RAD9B: variants seen among roughly 807,000 people sequenced by gnomAD.
RAD9B encodes the protein cell cycle checkpoint control protein RAD9B.
A neutral mutation model predicts 48.3 loss-of-function variants in RAD9B; 41 were observed. The observed-to-expected ratio is 0.85, with a 90% CI of 0.66 to 1.10. The LOEUF (loss-of-function observed/expected upper bound fraction) is 1.10. RAD9B is among the 50% of genes least tolerant of loss of function. The pLI is 0.00. For synonymous variants in RAD9B, 160 were observed against 157.9 expected, an observed-to-expected ratio of 1.01 and a Z score of -0.10; for missense variants, 444 against 485.1, an observed-to-expected ratio of 0.92 and a Z score of 0.80.
chr12:110,522,221 A>G lies in RAD9B; in HGVS notation c.935A>G (p.Gln312Arg). 6.2e-7 allele frequency: 1 copy of G among 1,604,488 alleles called. No homozygotes were observed. Among genetic ancestry groups the G allele is most frequent in the Non-Finnish European group, 8.5e-7 (1 of 1,175,434 alleles). ...EKKAGKNVTG[Q>R]ALECISKKAA... is the part of the protein sequence containing the mutation. ...AAGGCTGGCAAAAATGTAACTGGCC[A>G]GGCCCTGGAATGTATTTCAAAAAAA... Residue 312 changes from glutamine (Q) to arginine (R), a missense_variant, in exon 10 of 11, where the codon CAG (glutamine) becomes CGG (arginine). Gln to Arg is a conservative substitution (Grantham distance 43). Transcript: ENST00000409300.
At chr12:110,522,112 T>C (rs1466774040) in intron 9 of RAD9B, 65 bp from the exon 10 acceptor site, 2 of 1,033,836 alleles carry the variant, frequency 1.9e-6, no homozygotes, top group Admixed American at 2.4e-5. Context: ...ACATTGTCCA[T>C]TAGTTATATA....
In RAD9B at chr12:110,520,528, G is replaced by GT. The variant is rs1474171163; in HGVS notation, c.890+621dup. Among the ~76,000 whole-genome samples the GT allele has an allele frequency of 2.0e-3, 257 of 128,468 alleles. 1 individual carries two copies. The highest frequency in any genetic ancestry group is 5.7e-3 in the African/African-American group (197 of 34,530). 84.3% of individuals were successfully genotyped at this position (128,468 alleles called of 152,430 possible). A position where few individuals can be genotyped will look rare whatever the true frequency, so the allele number is the denominator to read the frequency against. On this transcript the variant is annotated intron_variant, in intron 9 of 10. Transcript: ENST00000409300. ...CATCGGGCCTTTAGTTTTTTTTTTTGTTTTTTTTTAGGGGTAATATAGTGT... is the reference window on the plus strand; with the variant it reads ...CATCGGGCCTTTAGTTTTTTTTTTTGTTTTTTTTTTAGGGGTAATATAGTGT...
At position 110,505,735 on chromosome 12, in the gene RAD9B, A is replaced by G. The variant is rs150652589; in HGVS notation, c.236A>G (p.Asp79Gly). 2 of 1,612,074 alleles carry G rather than the reference A, an allele frequency of 1.2e-6. No individual in the cohort carries two copies. The highest frequency in any genetic ancestry group is 2.2e-5 in the East Asian group (1 of 44,852). Residue 79 changes from aspartate (D) to glycine (G), a missense_variant, in exon 3 of 11, where the codon GAC (aspartate) becomes GGC (glycine). Transcript: ENST00000409300. Reference protein sequence around the residue: ...ALVKMSENELDTTLHLKCKLG... With the variant: ...ALVKMSENELGTTLHLKCKLG... ...GTGAAAATGAGTGAAAATGAACTTG[A>G]CACAACACTGCATTTAAAATGCAAA...
chr12:110,516,697 C>T (rs1327044635), intron 6 of RAD9B, among the ~76,000 whole-genome samples: 1 of 151,818 alleles, frequency 6.6e-6, no homozygotes, highest in African/African-American at 2.4e-5. Flanking sequence ...ATAGTCCCAG[C>T]TACTTGGGAG....
At chr12:110,515,824 AC>A (rs1446058412) in intron 6 of RAD9B, among the ~76,000 whole-genome samples, 1 of 152,126 alleles carries the variant, frequency 6.6e-6, no homozygotes, top group Non-Finnish European at 1.5e-5. Context: ...GGGTCACATG[AC>A]TTTTGTAGTG....
intron 5 of RAD9B, among the ~76,000 whole-genome samples, chr12:110,513,791 T>A (rs2063533234): frequency 6.6e-6 from 1 of 151,550 alleles, no homozygotes. Context: ...TGATGTGATC[T>A]TGGCTCACTG....
chr12:110,505,618 T>C lies in RAD9B; in HGVS notation c.119T>C (p.Leu40Pro), dbSNP rs2063239694. 1 of 1,547,084 alleles carries C rather than the reference T, an allele frequency of 6.5e-7. No homozygotes were observed. The highest frequency in any genetic ancestry group is 2.0e-5 in the Admixed American group (1 of 49,590). ...ATAGTTTTTATCTTATTTTTCTAGC[T>C]TGCTCTAAGATGTGTGAATTCTTCT... ...EFWLDPSKKG[L>P]ALRCVNSSRS... Residue 40 changes from leucine (L) to proline (P), a missense_variant and splice_region_variant, in exon 3 of 11, where the codon CTT becomes CCT. Physicochemically the swap from Leu to Pro is moderately conservative, Grantham distance 98 (BLOSUM62 -3). Transcript: ENST00000409300.
intron 10 of RAD9B, 44 bp downstream of exon 10, chr12:110,522,455 A>C: frequency 1.5e-6 from 2 of 1,377,266 alleles, no homozygotes; most frequent in Non-Finnish European, 2.0e-6. Context: ...AAGAATTCTC[A>C]TCTGTCTCCC....
intron 4 of RAD9B, among the ~76,000 whole-genome samples, chr12:110,512,292 G>A (rs1593061028): frequency 6.6e-6 from 1 of 152,028 alleles, no homozygotes; most frequent in South Asian, 2.1e-4. Flanking sequence ...GGGATTACAG[G>A]CATGCACCAC....
In RAD9B at chr12:110,512,504, A is replaced by AAAG. The variant is rs576177748; in HGVS notation, c.389-269_389-267dup. Among the ~76,000 whole-genome samples the AAAG allele has an allele frequency of 6.8e-3, 1,041 of 152,314 alleles. 1 individual carries two copies. The highest frequency in any genetic ancestry group is 9.3e-3 in the Non-Finnish European group (636 of 68,030). ...ATGTATCAATAAAAATATATTAACA[A>AAAG]AAGAAGAACAAGAAGAAGAAGGAAA... On this transcript the variant is annotated intron_variant, in intron 4 of 10. Transcript: ENST00000409300.
intron 1 of RAD9B, among the ~76,000 whole-genome samples, 184 bp from the exon 2 acceptor site, chr12:110,503,622 C>G (rs987238557): frequency 1.3e-5 from 2 of 152,158 alleles, no homozygotes; most frequent in African/African-American, 4.8e-5. Context: ...TTTATTGAGC[C>G]CTGACTATGT....
chr12:110,519,259 A>G (rs969625053), intron 8 of RAD9B, among the ~76,000 whole-genome samples: 2 of 151,854 alleles, frequency 1.3e-5, no homozygotes, highest in African/African-American at 4.8e-5. Flanking sequence ...GTCTACCACC[A>G]TGCCTGGCTA....
At chr12:110,528,576 G>A (rs1054236360) in intron 10 of RAD9B, among the ~76,000 whole-genome samples, 2 of 152,228 alleles carry the variant, frequency 1.3e-5, no homozygotes, top group Non-Finnish European at 2.9e-5. Context: ...AGCTGGCTGA[G>A]CTGAGATTAG....
intron 1 of RAD9B, chr12:110,502,638 T>C: frequency 1.9e-6 from 1 of 513,444 alleles, no homozygotes; most frequent in African/African-American, 1.9e-5. Flanking sequence ...GGCCACAAAC[T>C]CGGGATGCTG....
At chr12:110,505,483 G>A in intron 2 of RAD9B, 134 bp from the exon 3 acceptor site, 1 of 585,292 alleles carries the variant, frequency 1.7e-6, no homozygotes, top group Non-Finnish European at 2.7e-6. Context: ...GTCTTGCTCT[G>A]TTGGCCAGGC....
chr12:110,529,298 C>T (rs941209676), intron 10 of RAD9B, among the ~76,000 whole-genome samples: 19 of 151,992 alleles, frequency 1.3e-4, no homozygotes, highest in African/African-American at 4.6e-4. Context: ...TGCCCGCCAC[C>T]ATGCCCAGCT....
chr12:110,509,255 A>T (rs1185495943), intron 4 of RAD9B, among the ~76,000 whole-genome samples: 1 of 151,968 alleles, frequency 6.6e-6, no homozygotes, highest in East Asian at 1.9e-4. Flanking sequence ...GGCATAAGCC[A>T]CCATGCCCGG....
At chr12:110,505,276 T>C (rs1031327234) in intron 2 of RAD9B, among the ~76,000 whole-genome samples, 1 of 152,032 alleles carries the variant, frequency 6.6e-6, no homozygotes, top group Non-Finnish European at 1.5e-5. Context: ...CCTGTATATA[T>C]TATAGGTGTA....
chr12:110,503,831 A>G lies in RAD9B; in HGVS notation c.72A>G (p.Leu24=), dbSNP rs759771418. Residue 24 remains leucine, a synonymous_variant, in exon 2 of 11, where the codon CTA becomes CTG. Transcript: ENST00000409300. ...TATTTGGGAAAGCAGTTCAAGCTCT[A>G]TCACGAATTAGTGACGAGTTCTGGC... ...VKVFGKAVQA[L]SRISDEFWLD... is the part of the protein sequence containing the mutation. 3.3e-5 allele frequency: 53 copies of G among 1,606,120 alleles called. 1 individual carries two copies. In the Middle Eastern group the frequency reaches 6.6e-4, roughly 20 times the overall value.
Sources: allele counts gnomAD v4.1 joint callset (sites outside exome capture counted in the v4.1 genomes callset), GRCh38; gene constraint gnomAD v4.1.1; transcripts MANE v1.5; gene names NCBI Gene and HGNC (gene_info 2026-07-23, HGNC 2026-07-21).